The following SLC8A1 variants were observed in gnomAD, a reference collection of about 807,000 sequenced individuals.
The protein encoded by SLC8A1 is sodium/calcium exchanger 1.
In SLC8A1, 18 loss-of-function variants were observed where a neutral mutation model predicts 68.3. That is an observed-to-expected ratio of 0.26 (90% confidence interval 0.18 to 0.39). SLC8A1 has a LOEUF of 0.39. Ranked by LOEUF, SLC8A1 falls within the 10% of genes least tolerant of loss-of-function variation. The pLI is 1.00. For missense variants in SLC8A1, 985 were observed against 1,156.7 expected, an observed-to-expected ratio of 0.85 and a Z score of 2.15; for synonymous variants, 475 against 415.5, an observed-to-expected ratio of 1.14 and a Z score of -1.74.
chr2:40,371,812 C>A (rs1469867708), intron 2 of SLC8A1, among the ~76,000 whole-genome samples: 1 of 152,088 alleles, frequency 6.6e-6, no homozygotes, highest in African/African-American at 2.4e-5. Flanking sequence ...GATTCTGAGG[C>A]TGTGACATCA....
intron 2 of SLC8A1, among the ~76,000 whole-genome samples, chr2:40,324,094 A>G (rs1170390103): frequency 6.6e-6 from 1 of 152,092 alleles, no homozygotes; most frequent in African/African-American, 2.4e-5. Flanking sequence ...AATGCGGCAT[A>G]TAGTCACCCT....
intron 2 of SLC8A1, among the ~76,000 whole-genome samples, chr2:40,350,256 A>G (rs1300799962): frequency 1.3e-5 from 2 of 152,092 alleles, no homozygotes; most frequent in Non-Finnish European, 2.9e-5. Flanking sequence ...TTGAGTGGGA[A>G]GGATAGCTTG....
intron 1 of SLC8A1, among the ~76,000 whole-genome samples, chr2:40,447,555 G>T (rs997492415): frequency 1.4e-5 from 2 of 143,820 alleles, no homozygotes; most frequent in African/African-American, 5.2e-5. Context: ...CCAGGACTTT[G>T]TCTGCCAGTT....
chr2:40,242,383 C>G (rs553184571), intron 2 of SLC8A1, among the ~76,000 whole-genome samples: 1 of 152,102 alleles, frequency 6.6e-6, no homozygotes, highest in African/African-American at 2.4e-5. Flanking sequence ...ATGGTGAAAT[C>G]GCTTTGTGTA....
At chr2:40,420,713 T>C (rs1387269759) in intron 2 of SLC8A1, among the ~76,000 whole-genome samples, 1 of 152,112 alleles carries the variant, frequency 6.6e-6, no homozygotes, top group Non-Finnish European at 1.5e-5. Context: ...AAAAGATAAA[T>C]GACTGCTCTA....
intron 1 of SLC8A1, among the ~76,000 whole-genome samples, chr2:40,445,230 G>A (rs1427551444): frequency 1.3e-5 from 2 of 152,152 alleles, no homozygotes; most frequent in Non-Finnish European, 2.9e-5. Flanking sequence ...GCCATCTTTT[G>A]AATTCAAACG....
intron 2 of SLC8A1, among the ~76,000 whole-genome samples, chr2:40,423,266 G>A (rs1434471692): frequency 1.3e-5 from 2 of 151,924 alleles, no homozygotes; most frequent in Non-Finnish European, 2.9e-5. Context: ...TTTAAATTAT[G>A]CTTTTGTCCT....
intron 6 of SLC8A1, among the ~76,000 whole-genome samples, chr2:40,148,970 C>A (rs961895855): frequency 6.6e-6 from 1 of 152,186 alleles, no homozygotes; most frequent in African/African-American, 2.4e-5. Context: ...AGTAACCATG[C>A]ATCACGATGT....
At chr2:40,229,684 C>T (rs1448771417) in intron 2 of SLC8A1, among the ~76,000 whole-genome samples, 1 of 150,152 alleles carries the variant, frequency 6.7e-6, no homozygotes, top group Non-Finnish European at 1.5e-5. Flanking sequence ...CATTATGATC[C>T]TCCAAACATA....
intron 7 of SLC8A1, among the ~76,000 whole-genome samples, chr2:40,134,645 A>G (rs2040142190): frequency 1.3e-5 from 2 of 152,088 alleles, no homozygotes; most frequent in Admixed American, 1.3e-4. Context: ...TCATCTACTT[A>G]CCTCCCTCAA....
intron 2 of SLC8A1, among the ~76,000 whole-genome samples, chr2:40,258,612 C>A (rs1025942451): frequency 5.3e-5 from 8 of 152,050 alleles, no homozygotes; most frequent in Non-Finnish European, 8.8e-5. Context: ...AGGCTGAAGA[C>A]AGTGGATCAC....
intron 2 of SLC8A1, among the ~76,000 whole-genome samples, chr2:40,349,045 T>A (rs1049033682): frequency 1.3e-5 from 2 of 152,174 alleles, no homozygotes; most frequent in African/African-American, 4.8e-5. Flanking sequence ...AGCACAAAAT[T>A]GTGCACACAG....
chr2:40,208,851 G>A (rs946438604), intron 2 of SLC8A1, among the ~76,000 whole-genome samples: 6 of 152,064 alleles, frequency 3.9e-5, no homozygotes, highest in African/African-American at 1.4e-4. Flanking sequence ...TCAGAACACT[G>A]AGCACCAATA....
intron 2 of SLC8A1, among the ~76,000 whole-genome samples, chr2:40,363,898 G>T (rs1017625783): frequency 3.3e-5 from 5 of 151,824 alleles, no homozygotes; most frequent in African/African-American, 1.2e-4. Context: ...TCCAAGGGAG[G>T]TTTATTTATT....
chr2:40,489,484 G>A (rs910876087), intron 1 of SLC8A1, among the ~76,000 whole-genome samples: 3 of 152,020 alleles, frequency 2.0e-5, no homozygotes, highest in Middle Eastern at 3.2e-3. Flanking sequence ...TTCACCCACC[G>A]AAAAGTCTGT....
At chr2:40,460,376 C>T (rs1192120448) in intron 1 of SLC8A1, among the ~76,000 whole-genome samples, 2 of 152,088 alleles carry the variant, frequency 1.3e-5, no homozygotes, top group Non-Finnish European at 2.9e-5. Context: ...TTTAATGGAA[C>T]ATGCTACTTT....
At chr2:40,244,714 T>G (rs1289387875) in intron 2 of SLC8A1, among the ~76,000 whole-genome samples, 1 of 152,164 alleles carries the variant, frequency 6.6e-6, no homozygotes, top group African/African-American at 2.4e-5. Context: ...AGTTTTCAGC[T>G]GGGCTTTAGC....
intron 2 of SLC8A1, among the ~76,000 whole-genome samples, chr2:40,353,680 T>A (rs1242002496): frequency 6.6e-6 from 1 of 152,198 alleles, no homozygotes; most frequent in African/African-American, 2.4e-5. Flanking sequence ...AGATGCCCCC[T>A]TCTTTATGCT....
At chr2:40,184,022 A>C (rs1204819772) in intron 2 of SLC8A1, among the ~76,000 whole-genome samples, 1 of 152,042 alleles carries the variant, frequency 6.6e-6, no homozygotes, top group Non-Finnish European at 1.5e-5. Context: ...ACACATGCAA[A>C]AAAAACCAGA....
Sources: gnomAD v4.1 joint callset for allele counts (sites outside exome capture counted in the v4.1 genomes callset) on GRCh38, gnomAD v4.1.1 for gene constraint, MANE v1.5 for transcripts, NCBI Gene and HGNC (gene_info 2026-07-23, HGNC 2026-07-21) for gene names.